The following PTPRK variants were observed in gnomAD, a reference collection of about 807,000 sequenced individuals.
PTPRK encodes receptor-type tyrosine-protein phosphatase kappa.
A neutral mutation model predicts 178.0 loss-of-function variants in PTPRK; 75 were observed. The observed-to-expected ratio is 0.42, with a 90% CI of 0.35 to 0.51. PTPRK has a LOEUF of 0.51. PTPRK is among the 20% of genes least tolerant of loss of function. The pLI is 0.02. For synonymous variants in PTPRK, 637 were observed against 620.6 expected, an observed-to-expected ratio of 1.03 and a Z score of -0.39; for missense variants, 1,441 against 1,797.8, an observed-to-expected ratio of 0.80 and a Z score of 3.59.
chr6:128,224,419 T>C (rs1810927993), intron 5 of PTPRK, among the ~76,000 whole-genome samples: 1 of 152,166 alleles, frequency 6.6e-6, no homozygotes, highest in South Asian at 2.1e-4. Flanking sequence ...TCATTCCTGG[T>C]GGAATATAGT....
chr6:128,401,581 G>A (rs1841024213), intron 1 of PTPRK, among the ~76,000 whole-genome samples: 1 of 152,126 alleles, frequency 6.6e-6, no homozygotes, highest in African/African-American at 2.4e-5. Context: ...TCACTGGAGA[G>A]CCATGAAGGA....
chr6:128,007,099 C>G (rs1778521440), intron 14 of PTPRK, among the ~76,000 whole-genome samples: 1 of 150,488 alleles, frequency 6.6e-6, no homozygotes, highest in South Asian at 2.1e-4. Flanking sequence ...TAGTTTTAAG[C>G]TATACTTGAT....
chr6:128,211,986 T>C (rs1255918085), intron 6 of PTPRK, among the ~76,000 whole-genome samples: 1 of 152,046 alleles, frequency 6.6e-6, no homozygotes, highest in Non-Finnish European at 1.5e-5. Flanking sequence ...TAACATTCTA[T>C]AAGACTCTCC....
Position 128,510,226 on chromosome 6 carries a change from T to C in PTPRK, c.100+10033A>G, listed in dbSNP as rs139781442. ...GAAGGTCCATTACGGACCATTAAAG[T>C]GCCTGGAGACTATCCCCTGGCCTCA... On this transcript the variant is annotated intron_variant, in intron 1 of 29. Coordinates refer to ENST00000368226, the MANE Select transcript of PTPRK (RefSeq NM_002844.4). Among the ~76,000 whole-genome samples the C allele has an allele frequency of 7.0e-3, 1,072 of 152,250 alleles. 12 individuals carry two copies. The highest frequency in any genetic ancestry group is 0.024 in the African/African-American group (1,016 of 41,550).
intron 2 of PTPRK, among the ~76,000 whole-genome samples, chr6:128,353,187 C>A (rs1039542108): frequency 1.3e-5 from 2 of 152,122 alleles, no homozygotes; most frequent in Non-Finnish European, 2.9e-5. Flanking sequence ...CACTAAACAA[C>A]TATTGGAACA....
At chr6:128,356,548 AAAC>A in intron 2 of PTPRK, among the ~76,000 whole-genome samples, 1 of 152,306 alleles carries the variant, frequency 6.6e-6, no homozygotes, top group East Asian at 1.9e-4. Flanking sequence ...GCCCTTCACG[AAAC>A]AACTATTGTT....
intron 2 of PTPRK, among the ~76,000 whole-genome samples, chr6:128,330,382 A>G (rs1301633711): frequency 6.6e-6 from 1 of 151,714 alleles, no homozygotes; most frequent in Non-Finnish European, 1.5e-5. Context: ...TCCTACCACT[A>G]TTTTTTTCAT....
intron 1 of PTPRK, among the ~76,000 whole-genome samples, chr6:128,471,051 A>T (rs1229833847): frequency 6.6e-6 from 1 of 152,036 alleles, no homozygotes; most frequent in African/African-American, 2.4e-5. Context: ...ATATATGATA[A>T]TGCCTTCAAT....
chr6:128,510,957 T>C (rs1857089849), intron 1 of PTPRK, among the ~76,000 whole-genome samples: 1 of 152,126 alleles, frequency 6.6e-6, no homozygotes, highest in African/African-American at 2.4e-5. Flanking sequence ...TCTTCCTACC[T>C]GTATGACTTT....
chr6:128,369,992 A>T (rs927403963), intron 2 of PTPRK, among the ~76,000 whole-genome samples: 3 of 152,120 alleles, frequency 2.0e-5, no homozygotes, highest in Non-Finnish European at 2.9e-5. Flanking sequence ...ACATTTGTTA[A>T]TTTTTTACCA....
intron 2 of PTPRK, among the ~76,000 whole-genome samples, chr6:128,323,368 A>T (rs1270532153): frequency 6.6e-6 from 1 of 152,188 alleles, no homozygotes; most frequent in Non-Finnish European, 1.5e-5. Flanking sequence ...CAGAAGATGG[A>T]ACACAAATTT....
chr6:128,450,880 C>G (rs1296640716), intron 1 of PTPRK, among the ~76,000 whole-genome samples: 1 of 152,132 alleles, frequency 6.6e-6, no homozygotes, highest in East Asian at 1.9e-4. Flanking sequence ...GGTTGTTTAT[C>G]TCAAGGAAAG....
chr6:128,201,408 A>C (rs1805923519), intron 6 of PTPRK, among the ~76,000 whole-genome samples: 1 of 152,240 alleles, frequency 6.6e-6, no homozygotes, highest in African/African-American at 2.4e-5. Context: ...ATCCATGCAC[A>C]TGTGAGTGTG....
At chr6:128,512,335 C>T (rs200695659) in intron 1 of PTPRK, among the ~76,000 whole-genome samples, 3 of 152,184 alleles carry the variant, frequency 2.0e-5, no homozygotes, top group Non-Finnish European at 4.4e-5. Flanking sequence ...GAGAACGTTG[C>T]TATTATCCCA....
At chr6:128,296,211 C>T (rs1824337161) in intron 3 of PTPRK, among the ~76,000 whole-genome samples, 1 of 152,064 alleles carries the variant, frequency 6.6e-6, no homozygotes, top group Non-Finnish European at 1.5e-5. Context: ...CATGCTTCCA[C>T]CACAGGGCCT....
intron 23 of PTPRK, 29 bp downstream of exon 23, chr6:127,983,208 TAAAAA>T (rs1249982064): frequency 2.7e-6 from 4 of 1,502,262 alleles, no homozygotes; most frequent in African/African-American, 2.9e-5. Flanking sequence ...AAATAAAAAA[TAAAAA>T]AAAGTCCACT....
Position 127,998,723 on chromosome 6 carries a change from A to C in PTPRK, c.2676T>G (p.Tyr892Ter). The change falls in exon 16 of 30, where the codon TAT (tyrosine) becomes TAG (stop). Residue 892 changes from tyrosine to a stop codon, truncating the protein, a stop_gained. Transcript: ENST00000368226. LOFTEE classifies it high-confidence loss of function. ...TSDSYGFKEEYESFFEGQSAS... is the reference protein window; with the variant it reads ...TSDSYGFKEE ...TACAGTATCAAAACTTATTCACCTC[A>C]TATTCCTCTTTGAACCCATAGCTGT... 1 of 1,569,824 alleles carries C rather than the reference A, an allele frequency of 6.4e-7. No individual in the cohort carries two copies. The highest frequency in any genetic ancestry group is 8.7e-7 in the Non-Finnish European group (1 of 1,153,600).
intron 6 of PTPRK, among the ~76,000 whole-genome samples, chr6:128,206,496 A>C (rs1806996086): frequency 1.3e-5 from 2 of 151,888 alleles, no homozygotes; most frequent in Non-Finnish European, 2.9e-5. Flanking sequence ...CTTTATTCTC[A>C]GTATAAAAAA....
At chr6:128,219,370 A>C (rs890671713) in intron 5 of PTPRK, among the ~76,000 whole-genome samples, 2 of 152,198 alleles carry the variant, frequency 1.3e-5, no homozygotes, top group African/African-American at 4.8e-5. Context: ...TTCCACCTCA[A>C]ATCATCAGGC....
Sources: allele counts gnomAD v4.1 joint callset (sites outside exome capture counted in the v4.1 genomes callset), GRCh38; gene constraint gnomAD v4.1.1; transcripts MANE v1.5; gene names NCBI Gene and HGNC (gene_info 2026-07-23, HGNC 2026-07-21).